CFAP299: variants seen among roughly 807,000 people sequenced by gnomAD.
The protein encoded by CFAP299 is cilia and flagella associated protein 299, also known as cilia- and flagella-associated protein 299.
In CFAP299, 21 loss-of-function variants were observed where a neutral mutation model predicts 27.0. The ratio of observed to expected loss-of-function variants is 0.78; its 90% CI spans 0.55 to 1.12. The LOEUF (loss-of-function observed/expected upper bound fraction) is 1.12. Ranked by LOEUF, CFAP299 falls within the 50% of genes most tolerant of loss-of-function variation. The pLI is 0.00. For missense variants in CFAP299, 310 were observed against 276.6 expected (o/e 1.12, Z -0.86); for synonymous variants, 104 against 98.1 (o/e 1.06, Z -0.36).
intron 3 of CFAP299, among the ~76,000 whole-genome samples, chr4:80,602,464 A>G (rs1737405822): frequency 6.6e-6 from 1 of 152,224 alleles, no homozygotes; most frequent in African/African-American, 2.4e-5. Context: ...AATTTTTTCC[A>G]AAGTTCAAGA....
intron 3 of CFAP299, among the ~76,000 whole-genome samples, chr4:80,724,231 A>G (rs1419177868): frequency 6.6e-6 from 1 of 151,434 alleles, no homozygotes; most frequent in African/African-American, 2.5e-5. Flanking sequence ...ATGTTAAAAG[A>G]AAAGTAGAGC....
chr4:80,527,843 G>A (rs1733266653), intron 2 of CFAP299, among the ~76,000 whole-genome samples: 1 of 152,096 alleles, frequency 6.6e-6, no homozygotes. Flanking sequence ...AGAATTGATT[G>A]GGAAAGGGTA....
intron 4 of CFAP299, among the ~76,000 whole-genome samples, chr4:80,897,238 A>G (rs1306305634): frequency 3.3e-5 from 5 of 152,208 alleles, no homozygotes; most frequent in Non-Finnish European, 5.9e-5. Flanking sequence ...ATCATTGTAC[A>G]AGAGATTAAA....
the CFAP299 span, among the ~76,000 whole-genome samples, chr4:80,327,988 C>A: frequency 1.3e-5 from 2 of 151,732 alleles, no homozygotes; most frequent in African/African-American, 4.8e-5. Context: ...GACCAGCAAG[C>A]TGTGCTTCAT....
chr4:80,451,014 G>T (rs937695113), intron 2 of CFAP299, among the ~76,000 whole-genome samples: 1 of 151,962 alleles, frequency 6.6e-6, no homozygotes, highest in Non-Finnish European at 1.5e-5. Flanking sequence ...ATCACATTCA[G>T]GTAATATCTG....
chr4:80,420,716 G>T (rs1377801318), intron 2 of CFAP299, among the ~76,000 whole-genome samples: 3 of 152,132 alleles, frequency 2.0e-5, no homozygotes, highest in Non-Finnish European at 4.4e-5. Flanking sequence ...TCTGGAGTTT[G>T]TCTGTTCACT....
chr4:80,787,029 G>T (rs892006017), intron 3 of CFAP299, among the ~76,000 whole-genome samples: 31 of 151,792 alleles, frequency 2.0e-4, no homozygotes, highest in African/African-American at 7.5e-4. Flanking sequence ...CCAATAAAAT[G>T]GGTTGAATGA....
Position 80,899,389 on chromosome 4 carries a change from A to T in CFAP299, c.476+29254A>T, listed in dbSNP as rs181382758. The stretch of plus-strand genomic sequence containing the variant: ...CCAACTAGAGTAGAGAAGAGATGAG[A>T]TGTAATGTGAAAACAGCCAATTTTA... On this transcript the variant is annotated intron_variant, in intron 4 of 5. Coordinates refer to ENST00000358105, the MANE Select transcript of CFAP299 (RefSeq NM_152770.3). 2.6e-5 allele frequency among the ~76,000 whole-genome samples: 4 copies of T among 152,340 alleles called. No individual in the cohort carries two copies. In the East Asian group the frequency reaches 7.7e-4, roughly 29 times the overall value.
At chr4:80,899,825 AAATGGAGTT>A (rs1233139657) in intron 4 of CFAP299, among the ~76,000 whole-genome samples, 3 of 152,222 alleles carry the variant, frequency 2.0e-5, no homozygotes, top group African/African-American at 7.2e-5. Context: ...CCCACCAGTA[AAATGGAGTT>A]AATAATACCT....
intron 5 of CFAP299, among the ~76,000 whole-genome samples, chr4:80,951,812 T>G (rs560598015): frequency 6.6e-6 from 1 of 152,318 alleles, no homozygotes; most frequent in South Asian, 2.1e-4. Flanking sequence ...TAAAATATGT[T>G]GTAATGCAAC....
chr4:80,528,098 G>A (rs1380288925), intron 2 of CFAP299, among the ~76,000 whole-genome samples: 1 of 152,018 alleles, frequency 6.6e-6, no homozygotes, highest in East Asian at 1.9e-4. Flanking sequence ...TTCTAGTACA[G>A]TTGTAATTTT....
At chr4:80,578,058 G>C (rs1190250352) in intron 2 of CFAP299, among the ~76,000 whole-genome samples, 1 of 152,146 alleles carries the variant, frequency 6.6e-6, no homozygotes, top group African/African-American at 2.4e-5. Flanking sequence ...ATTAATCATG[G>C]TTGGTAAAAT....
chr4:80,820,837 G>A (rs1295559655), intron 3 of CFAP299, among the ~76,000 whole-genome samples: 1 of 152,162 alleles, frequency 6.6e-6, no homozygotes, highest in East Asian at 1.9e-4. Context: ...TTATATGGCT[G>A]ATGATAGGCT....
At chr4:80,933,649 A>T (rs1736744189) in intron 4 of CFAP299, among the ~76,000 whole-genome samples, 1 of 151,788 alleles carries the variant, frequency 6.6e-6, no homozygotes, top group Non-Finnish European at 1.5e-5. Context: ...TATATCTTTC[A>T]CCTCCTTGGT....
At chr4:80,890,342 T>C (rs533699867) in intron 4 of CFAP299, among the ~76,000 whole-genome samples, 7 of 151,726 alleles carry the variant, frequency 4.6e-5, no homozygotes, top group Admixed American at 3.9e-4. Context: ...CAGTGAACAA[T>C]CTAAAAAAGA....
intron 3 of CFAP299, among the ~76,000 whole-genome samples, chr4:80,648,602 C>T (rs1334369338): frequency 6.6e-6 from 1 of 152,036 alleles, no homozygotes; most frequent in East Asian, 1.9e-4. Flanking sequence ...TTACTATTTG[C>T]AATTTCATTG....
intron 3 of CFAP299, among the ~76,000 whole-genome samples, chr4:80,847,510 C>T (rs1282180225): frequency 6.6e-6 from 1 of 152,146 alleles, no homozygotes; most frequent in Admixed American, 6.5e-5. Context: ...ATGCAATATC[C>T]CTTGTGGTGA....
intron 5 of CFAP299, among the ~76,000 whole-genome samples, chr4:80,952,474 A>G (rs1011939904): frequency 6.6e-6 from 1 of 152,122 alleles, no homozygotes; most frequent in Non-Finnish European, 1.5e-5. Context: ...TCGAGAGTAA[A>G]TGGTGATTTT....
chr4:80,449,938 A>G, intron 2 of CFAP299, among the ~76,000 whole-genome samples: 1 of 152,160 alleles, frequency 6.6e-6, no homozygotes, highest in East Asian at 1.9e-4. Flanking sequence ...CACTAATTGA[A>G]CTACCTAATG....
Sources: gnomAD v4.1 joint callset for allele counts (sites outside exome capture counted in the v4.1 genomes callset) on GRCh38, gnomAD v4.1.1 for gene constraint, MANE v1.5 for transcripts, NCBI Gene and HGNC (gene_info 2026-07-23, HGNC 2026-07-21) for gene names.